Variants in FOXRED2 observed in about 807,000 individuals in gnomAD.
FOXRED2 encodes FAD dependent oxidoreductase domain containing 2.
In FOXRED2, 32 loss-of-function variants were observed where a neutral mutation model predicts 52.5. The observed-to-expected ratio is 0.61, with a 90% CI of 0.46 to 0.82. The LOEUF is 0.82. Among genes scored for constraint, FOXRED2 ranks in the 40% least tolerant of loss-of-function variants. The probability of loss-of-function intolerance (pLI) is 0.00; values close to 1 mark genes in which losing one functional copy is unlikely to be tolerated. For missense variants in FOXRED2, 848 were observed against 937.5 expected, an observed-to-expected ratio of 0.90 and a Z score of 1.25; for synonymous variants, 405 against 398.1, an observed-to-expected ratio of 1.02 and a Z score of -0.21.
At position 36,493,703 on chromosome 22, in the gene FOXRED2, G is replaced by T; in HGVS notation, c.1725C>A (p.Ile575=). 1 of 1,614,152 alleles carries T rather than the reference G, an allele frequency of 6.2e-7. No homozygotes were observed. The highest frequency in any genetic ancestry group is 2.2e-5 in the East Asian group (1 of 44,886). ...EDFLTDWTAP[I]GHILPLRRFL... is the part of the protein sequence containing the mutation. The stretch of plus-strand genomic sequence containing the variant: ...AGCGCCTCAGAGGTAGGATGTGCCC[G>T]ATCGGGGCAGTCCAGTCTGTTAAGA... Residue 575 remains isoleucine (I), a synonymous_variant, in exon 8 of 9, where the codon ATC becomes ATA. Transcript: ENST00000397224.
At chr22:36,498,300 C>T (rs568931327) in intron 5 of FOXRED2, 144 bp from the exon 6 acceptor site, 33 of 871,254 alleles carry the variant, frequency 3.8e-5, no homozygotes, top group Non-Finnish European at 5.0e-5. Context: ...AGGTGGTGAA[C>T]ACATGAGGGG....
Position 36,489,767 on chromosome 22 carries a change from G to A in FOXRED2, c.*241C>T. 1 of 442,256 alleles carries A rather than the reference G, an allele frequency of 2.3e-6. No individual in the cohort carries two copies. The highest frequency in any genetic ancestry group is 4.0e-6 in the Non-Finnish European group (1 of 247,878). The allele number at this position is 442,256 out of a possible 1,614,324, so 27.4% of individuals were successfully genotyped here. A position where few individuals can be genotyped will look rare whatever the true frequency, so the allele number is the denominator to read the frequency against. On this transcript the variant is annotated 3_prime_UTR_variant, in exon 9 of 9. Coordinates refer to ENST00000397224, the MANE Select transcript of FOXRED2 (RefSeq NM_001102371.2). ...ATTGCAGACAAACTGGGCTGGGGAAGGCAGCTCCCACCTGGCAGAGGATGC... is the reference window on the plus strand; with the variant it reads ...ATTGCAGACAAACTGGGCTGGGGAAAGCAGCTCCCACCTGGCAGAGGATGC...
intron 4 of FOXRED2, among the ~76,000 whole-genome samples, chr22:36,502,223 G>A (rs758943067): frequency 1.2e-4 from 18 of 152,066 alleles, no homozygotes; most frequent in Non-Finnish European, 2.4e-4. Context: ...AGTGGCTCAC[G>A]CCTGTAATCC....
chr22:36,495,211 G>A (rs751186617), intron 7 of FOXRED2, among the ~76,000 whole-genome samples: 2 of 151,746 alleles, frequency 1.3e-5, no homozygotes, highest in Non-Finnish European at 2.9e-5. Context: ...CGCTTGCCTT[G>A]GTCTCTCAAA....
At chr22:36,504,466 C>T (rs1309497722) in intron 3 of FOXRED2, 49 bp downstream of exon 3, 2 of 1,609,872 alleles carry the variant, frequency 1.2e-6, no homozygotes, top group African/African-American at 2.7e-5. Flanking sequence ...AGGCTCTTTC[C>T]ACACTCTGGG....
At chr22:36,505,795 C>T in intron 2 of FOXRED2, 101 bp downstream of exon 2, 1 of 1,276,932 alleles carries the variant, frequency 7.8e-7, no homozygotes, top group Non-Finnish European at 1.1e-6. Flanking sequence ...GCGAAATACC[C>T]TTTTTCGTCC....
At chr22:36,498,416 G>A in intron 5 of FOXRED2, 1 of 437,584 alleles carries the variant, frequency 2.3e-6, no homozygotes, top group Non-Finnish European at 4.1e-6. Flanking sequence ...CAGTGATGCT[G>A]CTCAATTCTG....
At chr22:36,501,133 T>G in intron 5 of FOXRED2, 108 bp downstream of exon 5, 3 of 1,167,408 alleles carry the variant, frequency 2.6e-6, no homozygotes, top group Non-Finnish European at 3.7e-6. Context: ...AATGAGCTAC[T>G]GACAAGCAAT....
chr22:36,495,847 C>G (rs1933881409), intron 7 of FOXRED2, 120 bp downstream of exon 7: 2 of 1,132,426 alleles, frequency 1.8e-6, no homozygotes, highest in East Asian at 4.7e-5. Context: ...TAGGCAGAGT[C>G]CCGCAGCCAT....
intron 8 of FOXRED2, among the ~76,000 whole-genome samples, chr22:36,492,404 C>T (rs1439856403): frequency 6.6e-6 from 1 of 152,198 alleles, no homozygotes; most frequent in Non-Finnish European, 1.5e-5. Context: ...CCTGTACAGT[C>T]AAACAGTGTC....
intron 4 of FOXRED2, among the ~76,000 whole-genome samples, chr22:36,503,702 G>A (rs1181347279): frequency 1.3e-5 from 2 of 152,220 alleles, no homozygotes; most frequent in Non-Finnish European, 2.9e-5. Flanking sequence ...GGGCCACAGC[G>A]TGGTTAAATA....
rs192829704 is a variant in FOXRED2 at position 36,502,755 on chromosome 22, C to T, written c.1049+1343G>A. On this transcript the variant is annotated intron_variant, in intron 4 of 8. Coordinates refer to ENST00000397224, the MANE Select transcript of FOXRED2 (RefSeq NM_001102371.2). ...GCCTGGGCTGGAGTCCACAATGGCGCGATCTCGGCTCACTGCAACCTCCAC... is the reference window on the plus strand; with the variant it reads ...GCCTGGGCTGGAGTCCACAATGGCGTGATCTCGGCTCACTGCAACCTCCAC... Among the ~76,000 whole-genome samples the T allele has an allele frequency of 5.3e-5, 8 of 152,218 alleles. No homozygotes were observed. In the South Asian group the frequency reaches 6.2e-4, roughly 12 times the overall value.
chr22:36,496,886 G>A (rs903999769), intron 6 of FOXRED2, among the ~76,000 whole-genome samples: 1 of 152,134 alleles, frequency 6.6e-6, no homozygotes, highest in Non-Finnish European at 1.5e-5. Flanking sequence ...CATGTGGGGT[G>A]TTGAGACAGG....
chr22:36,500,619 T>C (rs1442878639), intron 5 of FOXRED2, among the ~76,000 whole-genome samples: 5 of 150,546 alleles, frequency 3.3e-5, no homozygotes, highest in Non-Finnish European at 5.9e-5. Context: ...GTTTTGCTCT[T>C]GTTGCCCAGG....
At position 36,504,116 on chromosome 22, in the gene FOXRED2, T is replaced by C; in HGVS notation, c.1031A>G (p.Asp344Gly). The C allele has an allele frequency of 6.2e-7, 1 of 1,614,062 alleles. No individual in the cohort carries two copies. The highest frequency in any genetic ancestry group is 8.5e-7 in the Non-Finnish European group (1 of 1,179,988). Reference protein sequence around the residue: ...RVIRCLGWNFDFSIFNKSLRL... With the variant: ...RVIRCLGWNFGFSIFNKSLRL... ...AACTCACTTATTGAAAATGGAGAAG[T>C]CAAAGTTCCAGCCCAGGCAGCGGAT... The change falls in exon 4 of 9, where the codon GAC becomes GGC. Residue 344 changes from aspartate (D) to glycine (G), a missense_variant. Transcript: ENST00000397224.
rs577061995 is a variant in FOXRED2, at chr22:36,492,598, C to T, written c.1795+1035G>A. ...CATGATCTCGGGTCACTGCAACATC[C>T]GCCTTCCGGGTTCAAGCGATTCTCC... On this transcript the variant is annotated intron_variant, in intron 8 of 8. Coordinates refer to ENST00000397224, the MANE Select transcript of FOXRED2 (RefSeq NM_001102371.2). 3.3e-5 allele frequency among the ~76,000 whole-genome samples: 5 copies of T among 152,214 alleles called. No homozygotes were observed. The East Asian group carries it at 7.7e-4, about 24-fold the overall frequency.
At chr22:36,496,628 G>A (rs773710036) in intron 6 of FOXRED2, among the ~76,000 whole-genome samples, 1 of 152,210 alleles carries the variant, frequency 6.6e-6, no homozygotes, top group Non-Finnish European at 1.5e-5. Flanking sequence ...CGTCTGGCCC[G>A]AGAGGTGACA....
In FOXRED2 at chr22:36,506,234, C is replaced by T. The variant is rs766327174; in HGVS notation, c.189G>A (p.Pro63=). 2.5e-6 allele frequency: 4 copies of T among 1,613,650 alleles called. No homozygotes were observed. The Admixed American group carries it at 6.7e-5, about 27-fold the overall frequency. ...AGCGTGTGAAGAAGCTGCCGGGCCG[C>T]GGGGCCCGCTCGAACACTGCGTAGT... ...GRDYAVFERA[P]RPGSFFTRYP... is the part of the protein sequence containing the mutation. The change falls in exon 2 of 9, where the codon CCG becomes CCA. Residue 63 remains proline (P), a synonymous_variant. Coordinates refer to ENST00000397224, the MANE Select transcript of FOXRED2 (RefSeq NM_001102371.2).
In FOXRED2 at chr22:36,504,215, T is replaced by C. The variant is rs971598928; in HGVS notation, c.932A>G (p.Gln311Arg). 1 of 1,614,180 alleles carries C rather than the reference T, an allele frequency of 6.2e-7. No homozygotes were observed. Among genetic ancestry groups the C allele is most frequent in the African/African-American group, 1.3e-5 (1 of 75,050 alleles). Residue 311 changes from glutamine (Q) to arginine (R), a missense_variant, in exon 4 of 9, where the codon CAG (glutamine) becomes CGG (arginine). Transcript: ENST00000397224. Reference protein sequence around the residue: ...KFFLEEANTNQSADSITLPQD... With the variant: ...KFFLEEANTNRSADSITLPQD... ...GGGGAGGGTGATGGAGTCGGCACTC[T>C]GGTTGGTGTTGGCTTCTTCCAGGAA...
Sources: allele counts gnomAD v4.1 joint callset (sites outside exome capture counted in the v4.1 genomes callset), GRCh38; gene constraint gnomAD v4.1.1; transcripts MANE v1.5; gene names NCBI Gene and HGNC (gene_info 2026-07-23, HGNC 2026-07-21).